PLXDC1: variants seen among roughly 807,000 people sequenced by gnomAD.
PLXDC1 encodes the protein plexin domain-containing protein 1.
A neutral mutation model predicts 61.3 loss-of-function variants in PLXDC1; 39 were observed. The ratio of observed to expected loss-of-function variants is 0.64; its 90% CI spans 0.49 to 0.83. The LOEUF is 0.83. PLXDC1 is among the 40% of genes least tolerant of loss of function. The pLI is 0.00. For synonymous variants in PLXDC1, 212 were observed against 254.5 expected, an observed-to-expected ratio of 0.83 and a Z score of 1.59; for missense variants, 596 against 666.5, an observed-to-expected ratio of 0.89 and a Z score of 1.17.
rs1273723672 is a variant in PLXDC1, at chr17:39,063,483, G to A, written c.*4357C>T. The A allele has an allele frequency of 1.4e-6, 1 of 703,006 alleles. No individual in the cohort carries two copies. The highest frequency in any genetic ancestry group is 2.0e-5 in the Admixed American group (1 of 50,010). The allele number at this position is 703,006 out of a possible 1,614,324, so 43.5% of individuals were successfully genotyped here. On this transcript the variant is annotated 3_prime_UTR_variant, in exon 14 of 14. Transcript: ENST00000315392. ...AAGCACCTCTGATGAGCAGATAGCT[G>A]GAGGCTGTTCCCACAGTCATGTCTC...
At chr17:39,117,573 C>T (rs1272749651) in intron 2 of PLXDC1, among the ~76,000 whole-genome samples, 1 of 148,078 alleles carries the variant, frequency 6.8e-6, no homozygotes, top group African/African-American at 2.5e-5. Context: ...CCCAAGTCTA[C>T]AAAAAAAAAA....
At chr17:39,069,186 G>A (rs1024276845) in intron 13 of PLXDC1, among the ~76,000 whole-genome samples, 1 of 152,106 alleles carries the variant, frequency 6.6e-6, no homozygotes, top group East Asian at 1.9e-4. Context: ...GCTCACTGCA[G>A]CCTCAAACCA....
At chr17:39,090,736 G>T (rs1218143914) in intron 7 of PLXDC1, among the ~76,000 whole-genome samples, 1 of 152,192 alleles carries the variant, frequency 6.6e-6, no homozygotes, top group African/African-American at 2.4e-5. Flanking sequence ...CTTTTTTGCT[G>T]TTCTTCTCAT....
upstream of PLXDC1, among the ~76,000 whole-genome samples, chr17:39,152,139 G>A (rs538317110): frequency 1.3e-4 from 17 of 129,010 alleles, no homozygotes; most frequent in South Asian, 4.0e-3. Context: ...TCCCCAAGAG[G>A]GGCCTGAATC....
intron 2 of PLXDC1, among the ~76,000 whole-genome samples, chr17:39,132,889 G>T (rs1227864981): frequency 6.6e-6 from 1 of 152,162 alleles, no homozygotes; most frequent in African/African-American, 2.4e-5. Context: ...AGAGCAGAGG[G>T]TCCCAGAGCC....
intron 2 of PLXDC1, among the ~76,000 whole-genome samples, chr17:39,115,589 T>C (rs3025164): frequency 0.013 from 1,991 of 152,230 alleles, 50 homozygotes; most frequent in African/African-American, 0.045. Context: ...TGAGGCCAAA[T>C]TGCACCCTGG....
chr17:39,117,014 G>A (rs3785743), intron 2 of PLXDC1, among the ~76,000 whole-genome samples: 18,762 of 152,260 alleles, frequency 0.12, 1,312 homozygotes, highest in Middle Eastern at 0.21. Flanking sequence ...CTAGGAATGG[G>A]GAATGGAAGC....
chr17:39,146,334 G>A (rs2045342239), intron 1 of PLXDC1, among the ~76,000 whole-genome samples: 2 of 152,010 alleles, frequency 1.3e-5, no homozygotes, highest in Admixed American at 1.3e-4. Flanking sequence ...GCCTCCCAAA[G>A]TGCTGGGATT....
intron 2 of PLXDC1, among the ~76,000 whole-genome samples, chr17:39,113,357 G>T (rs894908604): frequency 2.0e-5 from 3 of 152,190 alleles, no homozygotes; most frequent in Non-Finnish European, 4.4e-5. Flanking sequence ...GTGGTAATTT[G>T]TTCTGGCAGC....
chr17:39,128,097 G>GTGTGTGTGTATATATATATATATATATA (rs1911379292), intron 2 of PLXDC1, among the ~76,000 whole-genome samples: 8 of 67,498 alleles, frequency 1.2e-4, no homozygotes, highest in Admixed American at 4.5e-4. Context: ...CTCTCTATGT[G>GTGTGTGTGTATATATATATATATATATA]TATATATATA....
chr17:39,108,868 C>T, intron 4 of PLXDC1, 36 bp downstream of exon 4: 1 of 1,511,444 alleles, frequency 6.6e-7, no homozygotes, highest in Non-Finnish European at 9.2e-7. Context: ...GCTGAGGTCT[C>T]CAGACTCTCC....
chr17:39,129,711 G>A lies in PLXDC1; in HGVS notation c.255+9943C>T, dbSNP rs9944439. On this transcript the variant is annotated intron_variant, in intron 2 of 13. Transcript: ENST00000315392. Reference sequence around the variant, plus strand: ...AGAAAAGAAAGAAAGAAAGAAAGAAGGAAAGAAAGAAAGAAAGAAAAGAAA... The same window carrying A: ...AGAAAAGAAAGAAAGAAAGAAAGAAAGAAAGAAAGAAAGAAAGAAAAGAAA... 7.6e-3 allele frequency among the ~76,000 whole-genome samples: 817 copies of A among 107,776 alleles called. 4 individuals carry two copies. The highest frequency in any genetic ancestry group is 0.016 in the Middle Eastern group (3 of 192). The allele number at this position is 107,776 out of a possible 152,430, so 70.7% of individuals were successfully genotyped here.
intron 2 of PLXDC1, among the ~76,000 whole-genome samples, chr17:39,128,163 GTATATATATGTA>G (rs1365893408): frequency 8.2e-5 from 2 of 24,328 alleles, no homozygotes; most frequent in Non-Finnish European, 1.6e-4. Flanking sequence ...GTATATATAT[GTATATATATGTA>G]TATATATATG....
chr17:39,123,872 G>C (rs1382289993), intron 2 of PLXDC1, among the ~76,000 whole-genome samples: 2 of 152,066 alleles, frequency 1.3e-5, no homozygotes, highest in Non-Finnish European at 2.9e-5. Context: ...GAAATGCTGG[G>C]GCAAGCAACC....
rs551573088 is a variant in PLXDC1 at position 39,093,383 on chromosome 17, C to T, written c.812-5681G>A. Among the ~76,000 whole-genome samples, 5 of 152,220 alleles carry T rather than the reference C, an allele frequency of 3.3e-5. No homozygotes were observed. The South Asian group carries it at 1.0e-3, about 32-fold the overall frequency. On this transcript the variant is annotated intron_variant, in intron 7 of 13. Transcript: ENST00000315392. ...CACTGCGTCAGGCCACATCTCTTTA[C>T]AATTTACCGAGCCCAGTTGTTTATT... is the stretch of plus-strand genomic sequence containing the variant.
rs569132155 is a variant in PLXDC1, at chr17:39,066,849, G to C, written c.*991C>G. The C allele has an allele frequency of 3.3e-5, 5 of 152,378 alleles. No individual in the cohort carries two copies. The highest frequency in any genetic ancestry group is 1.2e-4 in the African/African-American group (5 of 41,562). The allele number at this position is 152,378 out of a possible 1,614,324, so 9.4% of individuals were successfully genotyped here. ...TCCGCCTGCCTCAGCCTCCCAAAGTGCTGGGATTACAGGCGTGAGCCACTG... is the reference window on the plus strand; with the variant it reads ...TCCGCCTGCCTCAGCCTCCCAAAGTCCTGGGATTACAGGCGTGAGCCACTG... On this transcript the variant is annotated 3_prime_UTR_variant, in exon 14 of 14. Coordinates refer to ENST00000315392, the MANE Select transcript of PLXDC1 (RefSeq NM_020405.5).
intron 2 of PLXDC1, among the ~76,000 whole-genome samples, chr17:39,110,656 C>T (rs1166481001): frequency 1.3e-5 from 2 of 152,330 alleles, no homozygotes; most frequent in Non-Finnish European, 2.9e-5. Context: ...GGCTGCCCAG[C>T]GGTGGTGGCG....
chr17:39,105,090 T>C (rs1217298183), intron 7 of PLXDC1, among the ~76,000 whole-genome samples: 1 of 151,980 alleles, frequency 6.6e-6, no homozygotes, highest in East Asian at 1.9e-4. Flanking sequence ...AAAGCCCAGG[T>C]GGGGTGGGAA....
At chr17:39,126,975 A>T (rs1481915947) in intron 2 of PLXDC1, 2 of 152,174 alleles carry the variant, frequency 1.3e-5, no homozygotes, top group Non-Finnish European at 2.9e-5. Flanking sequence ...GCTCCCAGGC[A>T]CTGCCAGTGC....
Sources: allele counts gnomAD v4.1 joint callset (sites outside exome capture counted in the v4.1 genomes callset), GRCh38; gene constraint gnomAD v4.1.1; transcripts MANE v1.5; gene names NCBI Gene and HGNC (gene_info 2026-07-23, HGNC 2026-07-21).